MPPED1: variants seen among roughly 807,000 people sequenced by gnomAD.
MPPED1 encodes the protein metallophosphoesterase domain-containing protein 1.
A neutral mutation model predicts 36.2 loss-of-function variants in MPPED1; 16 were observed. The ratio of observed to expected loss-of-function variants is 0.44; its 90% CI spans 0.30 to 0.67. The LOEUF is 0.67. Ranked by LOEUF, MPPED1 falls within the 30% of genes least tolerant of loss-of-function variation. The pLI, the probability that MPPED1 is intolerant of heterozygous loss-of-function variation, is 0.10. For synonymous variants in MPPED1, 199 were observed against 191.3 expected (o/e 1.04, Z -0.33); for missense variants, 307 against 453.4 (o/e 0.68, Z 2.93).
intron 3 of MPPED1, among the ~76,000 whole-genome samples, chr22:43,447,749 C>G (rs2146849468): frequency 6.7e-6 from 1 of 149,612 alleles, no homozygotes; most frequent in Admixed American, 6.7e-5. Flanking sequence ...CTAATGAGCT[C>G]CCAGGGTATG....
At chr22:43,498,071 A>G (rs531245707) in intron 4 of MPPED1, among the ~76,000 whole-genome samples, 164 bp from the exon 5 acceptor site, 29 of 151,614 alleles carry the variant, frequency 1.9e-4, no homozygotes, top group Non-Finnish European at 3.7e-4. Context: ...CCAGTGGGTC[A>G]AAGTCCTGGT....
At chr22:43,443,844 T>C (rs1930235823) in intron 3 of MPPED1, among the ~76,000 whole-genome samples, 1 of 152,170 alleles carries the variant, frequency 6.6e-6, no homozygotes, top group Non-Finnish European at 1.5e-5. Context: ...ATTTTACTTT[T>C]AAACTCTGGA....
At chr22:43,446,024 C>T (rs2413762) in intron 3 of MPPED1, among the ~76,000 whole-genome samples, 61,101 of 150,488 alleles carry the variant, frequency 0.41, 14,633 homozygotes, top group Non-Finnish European at 0.54. Context: ...GCATGCACCA[C>T]GACACCCGGC....
chr22:43,447,883 A>AT (rs776108565), intron 3 of MPPED1, among the ~76,000 whole-genome samples: 2,242 of 67,736 alleles, frequency 0.033, 121 homozygotes, highest in Non-Finnish European at 0.042. Flanking sequence ...ATATATATAT[A>AT]TTTTTTTTTT....
intron 3 of MPPED1, among the ~76,000 whole-genome samples, chr22:43,465,634 G>C (rs995667664): frequency 6.6e-6 from 1 of 152,186 alleles, no homozygotes; most frequent in Non-Finnish European, 1.5e-5. Flanking sequence ...GTGCTTGTTG[G>C]GGGGCACCCA....
intron 3 of MPPED1, among the ~76,000 whole-genome samples, chr22:43,460,270 C>T (rs915493544): frequency 6.8e-6 from 1 of 147,704 alleles, no homozygotes; most frequent in East Asian, 2.1e-4. Flanking sequence ...CAAACCCCCC[C>T]CCCCAAACCC....
chr22:43,487,922 G>T (rs545776180), intron 4 of MPPED1, among the ~76,000 whole-genome samples: 66 of 152,252 alleles, frequency 4.3e-4, no homozygotes, highest in Non-Finnish European at 3.2e-4. Context: ...GGCGGGTGGC[G>T]CGAGGCTGAT....
rs950637063 is a variant in MPPED1 at position 43,412,111 on chromosome 22, G to C, written c.-126G>C. 1.0e-6 allele frequency: 1 copy of C among 979,366 alleles called. No individual in the cohort carries two copies. Among genetic ancestry groups the C allele is most frequent in the Non-Finnish European group, 1.2e-6 (1 of 827,608 alleles). 60.7% of individuals were successfully genotyped at this position (979,366 alleles called of 1,614,324 possible). On this transcript the variant is annotated 5_prime_UTR_variant, in exon 1 of 7. Transcript: ENST00000443721. Reference sequence around the variant, plus strand: ...GGAGCCCCTGCCTCCCTCGGTGCGCGCTGCTGCTCGCAGCCGCCGCGGCCG... The same window carrying C: ...GGAGCCCCTGCCTCCCTCGGTGCGCCCTGCTGCTCGCAGCCGCCGCGGCCG...
intron 2 of MPPED1, 65 bp from the exon 3 acceptor site, chr22:43,434,969 G>A (rs1050465671): frequency 6.5e-6 from 10 of 1,540,246 alleles, no homozygotes; most frequent in Non-Finnish European, 6.2e-6. Flanking sequence ...TGGGGCTGCA[G>A]ACACACCACC....
At chr22:43,453,783 A>C (rs1930657091) in intron 3 of MPPED1, among the ~76,000 whole-genome samples, 2 of 152,152 alleles carry the variant, frequency 1.3e-5, no homozygotes, top group South Asian at 4.1e-4. Flanking sequence ...ATTTATTTAA[A>C]TTGTGGTGAA....
chr22:43,475,271 G>A (rs139068302), intron 4 of MPPED1, among the ~76,000 whole-genome samples: 13 of 152,158 alleles, frequency 8.5e-5, no homozygotes, highest in Admixed American at 8.5e-4. Flanking sequence ...AGTGGGTGAG[G>A]ACCTTGCCAA....
intron 2 of MPPED1, among the ~76,000 whole-genome samples, chr22:43,426,895 G>A (rs993619352): frequency 6.6e-6 from 1 of 152,244 alleles, no homozygotes; most frequent in Non-Finnish European, 1.5e-5. Context: ...GGGCAGGAAG[G>A]AAGGCCCCGG....
intron 2 of MPPED1, among the ~76,000 whole-genome samples, chr22:43,433,563 GGGATTCTCCCTAGGCCTAGCAACCCCCA>G (rs58340844): frequency 0.39 from 58,904 of 151,940 alleles, 11,921 homozygotes; most frequent in Non-Finnish European, 0.44. Flanking sequence ...CTGACTTGCT[GGGATTCTCCCTAGGCCTAGCAACCCCCA>G]GGAAGGGGCC....
At chr22:43,466,639 C>A (rs1314286597) in intron 3 of MPPED1, among the ~76,000 whole-genome samples, 2 of 141,140 alleles carry the variant, frequency 1.4e-5, no homozygotes, top group Non-Finnish European at 3.1e-5. Flanking sequence ...CAGCAAATAA[C>A]TACACAAGCC....
intron 5 of MPPED1, among the ~76,000 whole-genome samples, chr22:43,500,727 A>G (rs1295326452): frequency 6.6e-6 from 1 of 151,980 alleles, no homozygotes; most frequent in Non-Finnish European, 1.5e-5. Context: ...TAACTCCTGC[A>G]GTGTGTGCCT....
intron 1 of MPPED1, among the ~76,000 whole-genome samples, chr22:43,415,932 A>G (rs1437819121): frequency 6.6e-6 from 1 of 152,218 alleles, no homozygotes; most frequent in Non-Finnish European, 1.5e-5. Context: ...CAAGGAGAAA[A>G]TGATGCCTGC....
At chr22:43,429,862 G>A (rs1349691433) in intron 2 of MPPED1, among the ~76,000 whole-genome samples, 3 of 152,212 alleles carry the variant, frequency 2.0e-5, no homozygotes, top group Non-Finnish European at 4.4e-5. Context: ...TGTGGCCTCC[G>A]TGGAGTGGGC....
At chr22:43,467,561 C>A (rs929378252) in intron 3 of MPPED1, among the ~76,000 whole-genome samples, 2 of 152,232 alleles carry the variant, frequency 1.3e-5, no homozygotes, top group Non-Finnish European at 2.9e-5. Context: ...CTGACTCTCG[C>A]AGCTTGCTCC....
At chr22:43,473,045 C>T (rs949613737) in intron 3 of MPPED1, among the ~76,000 whole-genome samples, 1 of 152,242 alleles carries the variant, frequency 6.6e-6, no homozygotes, top group African/African-American at 2.4e-5. Flanking sequence ...TTGCAAGCAT[C>T]CGTTTCCAAT....
Sources: gnomAD v4.1 joint callset for allele counts (sites outside exome capture counted in the v4.1 genomes callset) on GRCh38, gnomAD v4.1.1 for gene constraint, MANE v1.5 for transcripts, NCBI Gene and HGNC (gene_info 2026-07-23, HGNC 2026-07-21) for gene names.